The following TSPYL4 variants were observed in gnomAD, a reference collection of about 807,000 sequenced individuals.
The protein encoded by TSPYL4 is TSPY like 4.
A neutral mutation model predicts 24.2 loss-of-function variants in TSPYL4; 22 were observed. The observed-to-expected ratio is 0.91, with a 90% CI of 0.65 to 1.30. TSPYL4 has a LOEUF of 1.30. Among genes scored for constraint, TSPYL4 ranks in the 50% most tolerant of loss-of-function variants. The pLI is 0.00. For missense variants in TSPYL4, 569 were observed against 536.7 expected, an observed-to-expected ratio of 1.06 and a Z score of -0.60; for synonymous variants, 211 against 208.2, an observed-to-expected ratio of 1.01 and a Z score of -0.12.
rs1320413975 is a variant in TSPYL4, at chr6:116,253,518, T to A, written c.491A>T (p.Glu164Val). 6.4e-7 allele frequency: 1 copy of A among 1,551,710 alleles called. No homozygotes were observed. Among genetic ancestry groups the A allele is most frequent in the African/African-American group, 1.4e-5 (1 of 73,022 alleles). The stretch of plus-strand genomic sequence containing the variant: ...CGCCGCCCCTGCTTCTCCCTCCTTT[T>A]CCACTGCTGCCGAGATGGCGCGTTT... ...TKKRAISAAV[E>V]KEGEAGAAME... Residue 164 changes from glutamate to valine, a missense_variant, in exon 1 of 1, where the codon GAA becomes GTA. Coordinates refer to ENST00000420283, the MANE Select transcript of TSPYL4 (RefSeq NM_021648.5). This position sits in a 1 kb window ranked among gnomAD's most constrained non-coding sequence, Gnocchi z 4.3.
Position 116,253,443 on chromosome 6 carries a change from AC to A in TSPYL4, c.565del (p.Val189Ter). ...VQKEKKVAGG[V>X]KEETRPRAPK... ...GGCCCTGGGCCGTGTCTCCTCTTTCACCCCTCCTGCCACCTTTTTTTCCTTC... is the reference window on the plus strand; with the variant it reads ...GGCCCTGGGCCGTGTCTCCTCTTTCACCCTCCTGCCACCTTTTTTTCCTTC... On this transcript the variant is annotated frameshift_variant, in exon 1 of 1. Transcript: ENST00000420283. LOFTEE classifies it high-confidence loss of function. The surrounding 1 kb of genome is among the most constrained non-coding windows in gnomAD (Gnocchi z 4.3). The A allele has an allele frequency of 6.5e-7, 1 of 1,549,508 alleles. No homozygotes were observed. The highest frequency in any genetic ancestry group is 2.4e-5 in the East Asian group (1 of 40,838).
In TSPYL4 at chr6:116,253,880, T is replaced by G; in HGVS notation, c.129A>C (p.Thr43=). 1 of 1,613,886 alleles carries G rather than the reference T, an allele frequency of 6.2e-7. No homozygotes were observed. The highest frequency in any genetic ancestry group is 8.5e-7 in the Non-Finnish European group (1 of 1,179,856). ...CCCCACCTGTGTTCGCCATCACCTG[T>G]GTCGCCTCGGTTTCTTCACGGAGCC... ...CQGLREETEA[T]QVMANTGGGS... Residue 43 remains threonine (T), a synonymous_variant, in exon 1 of 1, where the codon ACA becomes ACC. Coordinates refer to ENST00000420283, the MANE Select transcript of TSPYL4 (RefSeq NM_021648.5). The surrounding 1 kb of genome is among the most constrained non-coding windows in gnomAD (Gnocchi z 4.3).
chr6:116,253,267 G>A lies in TSPYL4; in HGVS notation c.742C>T (p.Gln248Ter). 6.2e-7 allele frequency: 1 copy of A among 1,611,954 alleles called. No individual in the cohort carries two copies. Among genetic ancestry groups the A allele is most frequent in the Non-Finnish European group, 8.5e-7 (1 of 1,178,890 alleles). ...LHMQRRSFII[Q>*]NIPGFWVTAF... ...GTAACCCAGAAACCTGGGATATTCT[G>A]GATAATGAAACTTCTGCGCTGCATG... The change falls in exon 1 of 1, where the codon CAG (glutamine) becomes TAG (stop). Residue 248 changes from glutamine (Q) to a stop codon, truncating the protein, a stop_gained. Coordinates refer to ENST00000420283, the MANE Select transcript of TSPYL4 (RefSeq NM_021648.5). LOFTEE classifies it high-confidence loss of function. This position sits in a 1 kb window ranked among gnomAD's most constrained non-coding sequence, Gnocchi z 4.3.
rs1582893084 is a variant in TSPYL4 at position 116,251,626 on chromosome 6, G to C, written c.*1138C>G. The stretch of plus-strand genomic sequence containing the variant: ...AAAACTGCTTCAGAGTGAAAGGGAA[G>C]AAAAGGGATGGGAGGGAGAGGGGGA... On this transcript the variant is annotated 3_prime_UTR_variant, in exon 1 of 1. Transcript: ENST00000420283. The C allele has an allele frequency of 2.4e-5, 3 of 127,344 alleles. No homozygotes were observed. Among genetic ancestry groups the C allele is most frequent in the Admixed American group, 1.8e-4 (2 of 11,038 alleles). 7.9% of individuals were successfully genotyped at this position (127,344 alleles called of 1,614,324 possible).
At position 116,250,803 on chromosome 6, in the gene TSPYL4, C is replaced by T. The variant is rs534511462; in HGVS notation, c.*1961G>A. 6.1e-6 allele frequency: 1 copy of T among 162,680 alleles called. No individual in the cohort carries two copies. The highest frequency in any genetic ancestry group is 1.7e-4 in the East Asian group (1 of 6,002). 10.1% of individuals were successfully genotyped at this position (162,680 alleles called of 1,614,324 possible). Reference sequence around the variant, plus strand: ...ACTGTGTGTGTTCAGACCTCCTAAACCCTCAGGTAGCTTAGGGCAAGGCCT... The same window carrying T: ...ACTGTGTGTGTTCAGACCTCCTAAATCCTCAGGTAGCTTAGGGCAAGGCCT... On this transcript the variant is annotated 3_prime_UTR_variant, in exon 1 of 1. Transcript: ENST00000420283.
Position 116,253,074 on chromosome 6 carries a change from A to AGT in TSPYL4, c.934_935insAC (p.Val312AspfsTer54). On this transcript the variant is annotated frameshift_variant, in exon 1 of 1. Coordinates refer to ENST00000420283, the MANE Select transcript of TSPYL4 (RefSeq NM_021648.5). LOFTEE classifies it high-confidence loss of function. The surrounding 1 kb of genome is among the most constrained non-coding windows in gnomAD (Gnocchi z 4.3). Reference sequence around the variant, plus strand: ...AGAGGATCTGCGTTCATATTCCTTGACAAGCCCCTCATTTCGGAAGTAGGG... The same window carrying AGT: ...AGAGGATCTGCGTTCATATTCCTTGAGTCAAGCCCCTCATTTCGGAAGTAGGG... 6.2e-7 allele frequency: 1 copy of AGT among 1,614,086 alleles called. No individual in the cohort carries two copies. The highest frequency in any genetic ancestry group is 1.1e-5 in the South Asian group (1 of 91,076).
In TSPYL4 at chr6:116,251,914, A is replaced by AG. The variant is rs1451775856; in HGVS notation, c.*849dup. 1 of 152,170 alleles carries AG rather than the reference A, an allele frequency of 6.6e-6. No homozygotes were observed. Among genetic ancestry groups the AG allele is most frequent in the African/African-American group, 2.4e-5 (1 of 41,420 alleles). The allele number at this position is 152,170 out of a possible 1,614,324, so 9.4% of individuals were successfully genotyped here. ...ACATATTACTGCCCATCCTGGTGGT[A>AG]GGGGGTGTTGCTGTGAGCTCCCTGG... On this transcript the variant is annotated 3_prime_UTR_variant, in exon 1 of 1. Coordinates refer to ENST00000420283, the MANE Select transcript of TSPYL4 (RefSeq NM_021648.5).
At position 116,253,306 on chromosome 6, in the gene TSPYL4, T is replaced by G. The variant is rs761212161; in HGVS notation, c.703A>C (p.Met235Leu). 1.3e-6 allele frequency: 2 copies of G among 1,591,350 alleles called. No individual in the cohort carries two copies. The highest frequency in any genetic ancestry group is 1.3e-5 in the African/African-American group (1 of 74,614). Residue 235 changes from methionine (M) to leucine (L), a missense_variant, in exon 1 of 1, where the codon ATG (methionine) becomes CTG (leucine). Met to Leu is a conservative substitution (Grantham distance 15). Transcript: ENST00000420283. The surrounding 1 kb of genome is among the most constrained non-coding windows in gnomAD (Gnocchi z 4.3). ...CTGCGCTGCATGTGGAGCCTTCGCA[T>G]GCGGCCAAACTTGCGCTCAAGCTGA... is the stretch of plus-strand genomic sequence containing the variant. ...FLQLERKFGRMRRLHMQRRSF... is the reference protein window; with the variant it reads ...FLQLERKFGRLRRLHMQRRSF...
rs185353351 is a variant in TSPYL4 at position 116,251,269 on chromosome 6, G to A, written c.*1495C>T. 18 of 398,638 alleles carry A rather than the reference G, an allele frequency of 4.5e-5. No individual in the cohort carries two copies. Among genetic ancestry groups the A allele is most frequent in the Middle Eastern group, 6.3e-4 (1 of 1,592 alleles). The allele number at this position is 398,638 out of a possible 1,614,324, so 24.7% of individuals were successfully genotyped here. ...TCACAAAGGCCTTTGCCTTTGACCC[G>A]TCCTGAACCCATCACTGTGAGGCCC... On this transcript the variant is annotated 3_prime_UTR_variant, in exon 1 of 1. Coordinates refer to ENST00000420283, the MANE Select transcript of TSPYL4 (RefSeq NM_021648.5).
Position 116,253,024 on chromosome 6 carries a change from G to T in TSPYL4, c.985C>A (p.Pro329Thr). The change falls in exon 1 of 1, where the codon CCA (proline) becomes ACA (threonine). Residue 329 changes from proline to threonine, a missense_variant. By Grantham distance (38) the Pro-to-Thr change is conservative. Coordinates refer to ENST00000420283, the MANE Select transcript of TSPYL4 (RefSeq NM_021648.5). The surrounding 1 kb of genome is among the most constrained non-coding windows in gnomAD (Gnocchi z 4.3). The stretch of plus-strand genomic sequence containing the variant: ...TCTTGGCCTCGGTGCCAGCGGATTG[G>T]AGTGGAAAGAGACACCACCCGGCCA... ...SSGRVVSLST[P>T]IRWHRGQDPQ... 6.2e-7 allele frequency: 1 copy of T among 1,614,186 alleles called. No individual in the cohort carries two copies. The highest frequency in any genetic ancestry group is 8.5e-7 in the Non-Finnish European group (1 of 1,180,036).
In TSPYL4 at chr6:116,250,865, C is replaced by T. The variant is rs868755475; in HGVS notation, c.*1899G>A. 11 of 237,512 alleles carry T rather than the reference C, an allele frequency of 4.6e-5. No homozygotes were observed. The highest frequency in any genetic ancestry group is 1.8e-4 in the South Asian group (1 of 5,602). 14.7% of individuals were successfully genotyped at this position (237,512 alleles called of 1,614,324 possible). A position where few individuals can be genotyped will look rare whatever the true frequency, so the allele number is the denominator to read the frequency against. On this transcript the variant is annotated 3_prime_UTR_variant, in exon 1 of 1. Coordinates refer to ENST00000420283, the MANE Select transcript of TSPYL4 (RefSeq NM_021648.5). The stretch of plus-strand genomic sequence containing the variant: ...GGGGAAAAGGGTGATGGTGGATGGT[C>T]TTTATCACCACACATGATCATAACT...
Position 116,253,617 on chromosome 6 carries a change from A to T in TSPYL4, c.392T>A (p.Leu131Gln). ...CAAGCCCCCTGCGCCACAGGCTTCTAGAGCCTTCTGCCCAGCAGGGCCACG... is the reference window on the plus strand; with the variant it reads ...CAAGCCCCCTGCGCCACAGGCTTCTTGAGCCTTCTGCCCAGCAGGGCCACG... Reference protein sequence around the residue: ...EPRGPAGQKALEACGAGGLGS... With the variant: ...EPRGPAGQKAQEACGAGGLGS... Residue 131 changes from leucine (L) to glutamine (Q), a missense_variant, in exon 1 of 1, where the codon CTA becomes CAA. Leu to Gln is a moderately radical substitution (Grantham distance 113, BLOSUM62 -2). Coordinates refer to ENST00000420283, the MANE Select transcript of TSPYL4 (RefSeq NM_021648.5). This position sits in a 1 kb window ranked among gnomAD's most constrained non-coding sequence, Gnocchi z 4.3. 1 of 1,553,404 alleles carries T rather than the reference A, an allele frequency of 6.4e-7. No homozygotes were observed. Among genetic ancestry groups the T allele is most frequent in the Non-Finnish European group, 8.7e-7 (1 of 1,147,632 alleles).
chr6:116,250,415 T>C lies in TSPYL4; in HGVS notation c.*2349A>G, dbSNP rs1771928979. On this transcript the variant is annotated 3_prime_UTR_variant, in exon 1 of 1. Coordinates refer to ENST00000420283, the MANE Select transcript of TSPYL4 (RefSeq NM_021648.5). ...AGGCCTGTAAACATCAATTTTGTCATAGGCTGAAACAGAGAAAGGAAATGG... is the reference window on the plus strand; with the variant it reads ...AGGCCTGTAAACATCAATTTTGTCACAGGCTGAAACAGAGAAAGGAAATGG... 3 of 152,706 alleles carry C rather than the reference T, an allele frequency of 2.0e-5. No homozygotes were observed. In the South Asian group the frequency reaches 6.2e-4, roughly 32 times the overall value. 9.5% of individuals were successfully genotyped at this position (152,706 alleles called of 1,614,324 possible). A position where few individuals can be genotyped will look rare whatever the true frequency, so the allele number is the denominator to read the frequency against.
At position 116,251,081 on chromosome 6, in the gene TSPYL4, G is replaced by A. The variant is rs529706388; in HGVS notation, c.*1683C>T. On this transcript the variant is annotated 3_prime_UTR_variant, in exon 1 of 1. Transcript: ENST00000420283. Reference sequence around the variant, plus strand: ...GAGAAATGAGGGCCAAGAAAGCCAGGCAGTAGGATGGAGACCCAAGGGACA... The same window carrying A: ...GAGAAATGAGGGCCAAGAAAGCCAGACAGTAGGATGGAGACCCAAGGGACA... 2.5e-6 allele frequency: 1 copy of A among 397,782 alleles called. No homozygotes were observed. Among genetic ancestry groups the A allele is most frequent in the South Asian group, 1.3e-4 (1 of 7,550 alleles). 24.6% of individuals were successfully genotyped at this position (397,782 alleles called of 1,614,324 possible). A position where few individuals can be genotyped will look rare whatever the true frequency, so the allele number is the denominator to read the frequency against.
Position 116,253,907 on chromosome 6 carries a change from T to C in TSPYL4, c.102A>G (p.Gln34=). 6.2e-7 allele frequency: 1 copy of C among 1,613,830 alleles called. No individual in the cohort carries two copies. The highest frequency in any genetic ancestry group is 8.5e-7 in the Non-Finnish European group (1 of 1,179,838). ...TCGCCTCGGTTTCTTCACGGAGCCC[T>C]TGGCACTGGTCTCGGTCCGGATCTC... is the stretch of plus-strand genomic sequence containing the variant. The part of the protein sequence containing the change: ...ASGDPDRDQC[Q]GLREETEATQ... Residue 34 remains glutamine, a synonymous_variant, in exon 1 of 1, where the codon CAA becomes CAG. Coordinates refer to ENST00000420283, the MANE Select transcript of TSPYL4 (RefSeq NM_021648.5). The surrounding 1 kb of genome is among the most constrained non-coding windows in gnomAD (Gnocchi z 4.3).
At position 116,253,766 on chromosome 6, in the gene TSPYL4, G is replaced by C; in HGVS notation, c.243C>G (p.Arg81=). 6.3e-7 allele frequency: 1 copy of C among 1,599,418 alleles called. No individual in the cohort carries two copies. Among genetic ancestry groups the C allele is most frequent in the Non-Finnish European group, 8.5e-7 (1 of 1,172,112 alleles). The change falls in exon 1 of 1, where the codon CGC becomes CGG. Residue 81 remains arginine, a synonymous_variant. Coordinates refer to ENST00000420283, the MANE Select transcript of TSPYL4 (RefSeq NM_021648.5). This position sits in a 1 kb window ranked among gnomAD's most constrained non-coding sequence, Gnocchi z 4.3. Reference sequence around the variant, plus strand: ...GCCCGGCTTTGGTCGCTGCACCGCCGCGACTCCCGGCAACTGGGACGCGGA... The same window carrying C: ...GCCCGGCTTTGGTCGCTGCACCGCCCCGACTCCCGGCAACTGGGACGCGGA... ...PALRVPVAGS[R]GGAATKAGQE...
At position 116,252,627 on chromosome 6, in the gene TSPYL4, GAAGATTTAGAACCA is replaced by G; in HGVS notation, c.*123_*136del. 8.8e-7 allele frequency: 1 copy of G among 1,138,420 alleles called. No individual in the cohort carries two copies. Among genetic ancestry groups the G allele is most frequent in the Non-Finnish European group, 1.2e-6 (1 of 826,476 alleles). 70.5% of individuals were successfully genotyped at this position (1,138,420 alleles called of 1,614,324 possible). A position where few individuals can be genotyped will look rare whatever the true frequency, so the allele number is the denominator to read the frequency against. ...GCCAACAATCTTGCAACCGATTACT[GAAGATTTAGAACCA>G]AAGGAAAAGATAATCCACAGTATGA... is the stretch of plus-strand genomic sequence containing the variant. On this transcript the variant is annotated 3_prime_UTR_variant, in exon 1 of 1. Transcript: ENST00000420283.
In TSPYL4 at chr6:116,252,489, T is replaced by C; in HGVS notation, c.*275A>G. On this transcript the variant is annotated 3_prime_UTR_variant, in exon 1 of 1. Transcript: ENST00000420283. ...AAGAAAGGCAGTATGGTACACTATA[T>C]CTATAGTATCATACGCTTGGCATAG... 2.4e-6 allele frequency: 1 copy of C among 421,006 alleles called. No homozygotes were observed. The highest frequency in any genetic ancestry group is 3.8e-5 in the East Asian group (1 of 26,390). The allele number at this position is 421,006 out of a possible 1,614,324, so 26.1% of individuals were successfully genotyped here. A position where few individuals can be genotyped will look rare whatever the true frequency, so the allele number is the denominator to read the frequency against.
In TSPYL4 at chr6:116,253,486, C is replaced by A. The variant is rs746083591; in HGVS notation, c.523G>T (p.Glu175Ter). ...KEGEAGAAME[E>*]KKVVQKEKKV... Reference sequence around the variant, plus strand: ...TTTTCCTTCTGCACTACCTTCTTTTCCTCCATCGCCGCCCCTGCTTCTCCC... The same window carrying A: ...TTTTCCTTCTGCACTACCTTCTTTTACTCCATCGCCGCCCCTGCTTCTCCC... Residue 175 changes from glutamate (E) to a stop codon, truncating the protein, a stop_gained, in exon 1 of 1, where the codon GAA becomes TAA. Coordinates refer to ENST00000420283, the MANE Select transcript of TSPYL4 (RefSeq NM_021648.5). LOFTEE classifies it high-confidence loss of function. This position sits in a 1 kb window ranked among gnomAD's most constrained non-coding sequence, Gnocchi z 4.3. 2 of 1,551,762 alleles carry A rather than the reference C, an allele frequency of 1.3e-6. No homozygotes were observed. Among genetic ancestry groups the A allele is most frequent in the South Asian group, 2.4e-5 (2 of 84,058 alleles).
Sources: gnomAD v4.1 joint callset for allele counts on GRCh38, gnomAD v4.1.1 for gene constraint, Gnocchi (gnomAD v3.1) non-coding constraint, MANE v1.5 for transcripts, NCBI Gene and HGNC (gene_info 2026-07-23, HGNC 2026-07-21) for gene names.